Variants in CHCHD6 observed in about 807,000 individuals in gnomAD.
CHCHD6 encodes the protein MICOS complex subunit MIC25.
In CHCHD6, 28 loss-of-function variants were observed where a neutral mutation model predicts 32.3. That is an observed-to-expected ratio of 0.87 (90% CI 0.64 to 1.19). CHCHD6 has a LOEUF of 1.19. CHCHD6 is among the 50% of genes most tolerant of loss of function. The probability of loss-of-function intolerance (pLI) is 0.00; values close to 1 mark genes in which losing one functional copy is unlikely to be tolerated. For synonymous variants in CHCHD6, 122 were observed against 117.5 expected (o/e 1.04, Z -0.25); for missense variants, 333 against 307.0 (o/e 1.08, Z -0.63).
At chr3:126,778,828 G>T (rs557253447) in intron 4 of CHCHD6, among the ~76,000 whole-genome samples, 2 of 152,066 alleles carry the variant, frequency 1.3e-5, no homozygotes, top group Non-Finnish European at 2.9e-5. Context: ...ATAGCTCACT[G>T]CAGGCAGCCT....
rs764220748 is a variant in CHCHD6, at chr3:126,730,591, G to C, written c.227G>C (p.Gly76Ala). ...ESTLPRSGSS[G>A]GQQPSGMKEG... ...ACACTGCCCAGGTCGGGGAGCAGTG[G>C]TGGCCAGCAGCCCTCAGGGATGAAG... The change falls in exon 3 of 8, where the codon GGT becomes GCT. Residue 76 changes from glycine to alanine, a missense_variant. Coordinates refer to ENST00000290913, the MANE Select transcript of CHCHD6 (RefSeq NM_032343.3). The C allele has an allele frequency of 3.1e-6, 5 of 1,613,850 alleles. No homozygotes were observed. In the East Asian group the frequency reaches 1.1e-4, roughly 36 times the overall value.
At chr3:126,864,913 A>T (rs1337669966) in intron 5 of CHCHD6, among the ~76,000 whole-genome samples, 4 of 77,974 alleles carry the variant, frequency 5.1e-5, no homozygotes, top group East Asian at 3.5e-4. Flanking sequence ...CTCCACCATC[A>T]CCTTCTCCTC....
intron 4 of CHCHD6, chr3:126,767,245 G>A (rs747126885): frequency 6.1e-5 from 88 of 1,441,878 alleles, no homozygotes; most frequent in Admixed American, 1.8e-4. Flanking sequence ...TCTGTGCGGG[G>A]CTGGGGATAG....
intron 5 of CHCHD6, among the ~76,000 whole-genome samples, chr3:126,891,125 A>G (rs2077752996): frequency 6.6e-6 from 1 of 152,156 alleles, no homozygotes; most frequent in Non-Finnish European, 1.5e-5. Context: ...TAGCAGGGAG[A>G]CAGCCAGTAG....
chr3:126,936,856 C>G (rs182193154), intron 6 of CHCHD6, among the ~76,000 whole-genome samples: 7 of 152,318 alleles, frequency 4.6e-5, no homozygotes, highest in African/African-American at 7.2e-5. Context: ...CACCTGGCCT[C>G]TTTTTACTTT....
chr3:126,787,093 A>G (rs1320989704), intron 4 of CHCHD6, among the ~76,000 whole-genome samples: 7 of 152,188 alleles, frequency 4.6e-5, no homozygotes, highest in Non-Finnish European at 1.0e-4. Context: ...TCCTTTCCCC[A>G]TTTCTTGTTT....
chr3:126,738,200 A>T (rs1576356672), intron 4 of CHCHD6, among the ~76,000 whole-genome samples: 1 of 152,274 alleles, frequency 6.6e-6, no homozygotes, highest in South Asian at 2.1e-4. Flanking sequence ...AACTGGATAC[A>T]GTTGGCCCTC....
rs568204784 is a variant in CHCHD6, at chr3:126,950,698, C to T, written c.567-6718C>T. Among the ~76,000 whole-genome samples the T allele has an allele frequency of 8.5e-5, 13 of 152,214 alleles. No individual in the cohort carries two copies. In the East Asian group the frequency reaches 1.9e-3, roughly 23 times the overall value. On this transcript the variant is annotated intron_variant, in intron 6 of 7. Coordinates refer to ENST00000290913, the MANE Select transcript of CHCHD6 (RefSeq NM_032343.3). ...ACTCCTGACCTCAAGTGATCGCCTG[C>T]ATCGGCCTCCCAAAGTGCTAGGATT...
At chr3:126,790,079 A>G (rs1268535133) in intron 4 of CHCHD6, among the ~76,000 whole-genome samples, 1 of 152,042 alleles carries the variant, frequency 6.6e-6, no homozygotes, top group Non-Finnish European at 1.5e-5. Context: ...CTCTTCACTT[A>G]TGAAGCTTAG....
At chr3:126,766,911 C>T in intron 4 of CHCHD6, 1 of 1,045,188 alleles carries the variant, frequency 9.6e-7, no homozygotes, top group Non-Finnish European at 1.5e-6. Flanking sequence ...CGTGGCCCAG[C>T]CGGCCATAGC....
chr3:126,738,368 G>A (rs1313410127), intron 4 of CHCHD6, among the ~76,000 whole-genome samples: 1 of 152,174 alleles, frequency 6.6e-6, no homozygotes, highest in East Asian at 1.9e-4. Flanking sequence ...CCCCGTGGCC[G>A]ACTGTATCAT....
chr3:126,865,162 C>CTACCTTGA, intron 5 of CHCHD6, among the ~76,000 whole-genome samples: 1 of 138,220 alleles, frequency 7.2e-6, no homozygotes, highest in Non-Finnish European at 1.6e-5. Context: ...TCCACCACCT[C>CTACCTTGA]CACTTCTTCC....
intron 4 of CHCHD6, among the ~76,000 whole-genome samples, chr3:126,752,948 A>C (rs1936789754): frequency 6.6e-6 from 1 of 152,140 alleles, no homozygotes. Context: ...CTCGTAAGTC[A>C]CATTGTTTGT....
chr3:126,918,547 A>G (rs966294504), intron 6 of CHCHD6, among the ~76,000 whole-genome samples: 1 of 152,272 alleles, frequency 6.6e-6, no homozygotes, highest in African/African-American at 2.4e-5. Flanking sequence ...AATGAGTGCC[A>G]TGAAAGAAAG....
intron 7 of CHCHD6, 151 bp downstream of exon 7, chr3:126,957,702 C>T (rs56031528): frequency 0.11 from 110,021 of 962,824 alleles, 7,199 homozygotes; most frequent in Middle Eastern, 0.21. Flanking sequence ...AGGGATTCTT[C>T]GCTTTCCTCA....
At chr3:126,907,942 G>T (rs549731771) in intron 5 of CHCHD6, among the ~76,000 whole-genome samples, 5 of 152,270 alleles carry the variant, frequency 3.3e-5, no homozygotes, top group Admixed American at 2.6e-4. Context: ...GCCTGTCCTC[G>T]GATCCTGTTG....
At chr3:126,751,574 C>T (rs959057806) in intron 4 of CHCHD6, among the ~76,000 whole-genome samples, 1 of 151,402 alleles carries the variant, frequency 6.6e-6, no homozygotes, top group South Asian at 2.1e-4. Flanking sequence ...TAGGGTAGCC[C>T]AGATTCTGCT....
At chr3:126,731,210 T>C (rs765993167) in intron 3 of CHCHD6, among the ~76,000 whole-genome samples, 14 of 150,786 alleles carry the variant, frequency 9.3e-5, no homozygotes, top group Non-Finnish European at 1.2e-4. Flanking sequence ...TTTAGAGAGA[T>C]GAGGAAGTGG....
chr3:126,725,806 C>G (rs573787459), intron 1 of CHCHD6, among the ~76,000 whole-genome samples: 76 of 152,330 alleles, frequency 5.0e-4, no homozygotes, highest in African/African-American at 1.7e-3. Context: ...GTCTTATGAA[C>G]CAACCTTGGC....
Sources: allele counts gnomAD v4.1 joint callset (sites outside exome capture counted in the v4.1 genomes callset), GRCh38; gene constraint gnomAD v4.1.1; transcripts MANE v1.5; gene names NCBI Gene and HGNC (gene_info 2026-07-23, HGNC 2026-07-21).